Variants in MYH9 observed in about 807,000 individuals in gnomAD.
MYH9 encodes myosin-9.
A neutral mutation model predicts 241.9 loss-of-function variants in MYH9; 29 were observed. That is an observed-to-expected ratio of 0.12 (90% confidence interval 0.09 to 0.16). MYH9 has a LOEUF of 0.16. Ranked by LOEUF, MYH9 falls within the 10% of genes least tolerant of loss-of-function variation. The pLI, the probability that MYH9 is intolerant of heterozygous loss-of-function variation, is 1.00. For synonymous variants in MYH9, 1,047 were observed against 1,062.6 expected, an observed-to-expected ratio of 0.99 and a Z score of 0.29; for missense variants, 1,803 against 2,595.5, an observed-to-expected ratio of 0.69 and a Z score of 6.63.
chr22:36,315,392 A>G (rs899550318), intron 12 of MYH9, among the ~76,000 whole-genome samples: 1 of 152,130 alleles, frequency 6.6e-6, no homozygotes, highest in Non-Finnish European at 1.5e-5. Context: ...AAGAACCTCT[A>G]ATCTACTGTA....
chr22:36,294,410 C>T (rs556870559), intron 27 of MYH9, 112 bp from the exon 28 acceptor site: 77 of 1,176,706 alleles, frequency 6.5e-5, no homozygotes, highest in African/African-American at 2.3e-4. Flanking sequence ...GCCCTGACGA[C>T]GGTGTGCCTG....
At position 36,286,853 on chromosome 22, in the gene MYH9, T is replaced by A. The variant is rs2016594101; in HGVS notation, c.4933-7A>T. On this transcript the variant is annotated splice_region_variant and splice_polypyrimidine_tract_variant and intron_variant, in intron 34 of 40. Coordinates refer to ENST00000216181, the MANE Select transcript of MYH9 (RefSeq NM_002473.6). ...TGCAGTCCTTCATCTGGGCCTGGGGTGGGGACAGAGGCTTGGCACCCCACC... is the reference window on the plus strand; with the variant it reads ...TGCAGTCCTTCATCTGGGCCTGGGGAGGGGACAGAGGCTTGGCACCCCACC... The A allele has an allele frequency of 6.2e-7, 1 of 1,605,392 alleles. No individual in the cohort carries two copies. The highest frequency in any genetic ancestry group is 2.2e-5 in the East Asian group (1 of 44,866).
chr22:36,283,979 T>C (rs1293535622), intron 40 of MYH9, 114 bp downstream of exon 40: 1 of 1,289,312 alleles, frequency 7.8e-7, no homozygotes, highest in African/African-American at 1.5e-5. Context: ...GGGATTGCTT[T>C]GTGCAGTCCT....
In MYH9 at chr22:36,319,555, T is replaced by C; in HGVS notation, c.1093A>G (p.Met365Val). Residue 365 changes from methionine (M) to valine (V), a missense_variant, in exon 10 of 41, where the codon ATG becomes GTG. Around this residue, in one of 11 missense-constraint regions of MYH9, gnomAD observed 222 missense variants for 359.9 expected, o/e 0.62. Coordinates refer to ENST00000216181, the MANE Select transcript of MYH9 (RefSeq NM_002473.6). ...CGGGTGTTACCTGTGTTGTCGGGCA[T>C]GGACGCCTGGTCAGTGTTCCGCTCC... ...KKERNTDQAS[M>V]PDNTAAQKVS... 6.2e-7 allele frequency: 1 copy of C among 1,614,200 alleles called. No homozygotes were observed. Among genetic ancestry groups the C allele is most frequent in the Non-Finnish European group, 8.5e-7 (1 of 1,180,016 alleles).
chr22:36,325,233 C>T (rs2146368064), intron 5 of MYH9: 1 of 652,772 alleles, frequency 1.5e-6, no homozygotes, highest in Middle Eastern at 3.9e-4. Context: ...AATATAACTC[C>T]TGACGCCCCA....
At chr22:36,290,563 C>T (rs28576431) in intron 31 of MYH9, among the ~76,000 whole-genome samples, 3,264 of 152,302 alleles carry the variant, frequency 0.021, 117 homozygotes, top group African/African-American at 0.074. Context: ...TCTTCCCGGC[C>T]GCCACCCCAT....
chr22:36,380,469 G>A (rs1489935749), intron 1 of MYH9, among the ~76,000 whole-genome samples: 1 of 152,202 alleles, frequency 6.6e-6, no homozygotes. Context: ...GGCCGGGTGC[G>A]GTGGCTCACG....
intron 1 of MYH9, among the ~76,000 whole-genome samples, chr22:36,379,070 T>G (rs2018215591): frequency 6.6e-6 from 1 of 152,180 alleles, no homozygotes; most frequent in South Asian, 2.1e-4. Context: ...TCATTGTTGT[T>G]GCTGATTTTT....
At position 36,320,075 on chromosome 22, in the gene MYH9, A is replaced by C; in HGVS notation, c.1012+145T>G. Reference sequence around the variant, plus strand: ...TAACCTTGAACCTCAAATCTGAGGAATCATTTTCCCATACACTGAAGGCCT... The same window carrying C: ...TAACCTTGAACCTCAAATCTGAGGACTCATTTTCCCATACACTGAAGGCCT... On this transcript the variant is annotated intron_variant, in intron 9 of 40. Transcript: ENST00000216181. This position sits in a 1 kb window ranked among gnomAD's most constrained non-coding sequence, Gnocchi z 4.8. The C allele has an allele frequency of 1.8e-6, 2 of 1,113,538 alleles. No individual in the cohort carries two copies. Among genetic ancestry groups the C allele is most frequent in the East Asian group, 2.5e-5 (1 of 40,644 alleles). The allele number at this position is 1,113,538 out of a possible 1,614,324, so 69.0% of individuals were successfully genotyped here.
rs750723296 is a variant in MYH9, at chr22:36,326,668, A to G, written c.519-7T>C. The G allele has an allele frequency of 1.2e-6, 2 of 1,613,338 alleles. No individual in the cohort carries two copies. The highest frequency in any genetic ancestry group is 2.7e-5 in the African/African-American group (2 of 74,928). On this transcript the variant is annotated splice_polypyrimidine_tract_variant and splice_region_variant and intron_variant, in intron 4 of 40. Coordinates refer to ENST00000216181, the MANE Select transcript of MYH9 (RefSeq NM_002473.6). Reference sequence around the variant, plus strand: ...GCCAGCTCCAGATTCACCACTACCAAGAGAGGCAAGGAAGTCCCGGGCTTA... The same window carrying G: ...GCCAGCTCCAGATTCACCACTACCAGGAGAGGCAAGGAAGTCCCGGGCTTA...
chr22:36,316,644 G>C lies in MYH9; in HGVS notation c.1253C>G (p.Ala418Gly). Reference sequence around the variant, plus strand: ...GAACATCCGCTCATAGGTCGCCTTGGCCAAGGCCTCGATGGCAAAGTCAGC... The same window carrying C: ...GAACATCCGCTCATAGGTCGCCTTGCCCAAGGCCTCGATGGCAAAGTCAGC... ...EQADFAIEALAKATYERMFRW... is the reference protein window; with the variant it reads ...EQADFAIEALGKATYERMFRW... Residue 418 changes from alanine to glycine, a missense_variant, in exon 12 of 41, where the codon GCC (alanine) becomes GGC (glycine). Around this residue, in one of 11 missense-constraint regions of MYH9, gnomAD observed 222 missense variants for 359.9 expected, o/e 0.62. Coordinates refer to ENST00000216181, the MANE Select transcript of MYH9 (RefSeq NM_002473.6). 6.2e-7 allele frequency: 1 copy of C among 1,614,016 alleles called. No homozygotes were observed. Among genetic ancestry groups the C allele is most frequent in the Non-Finnish European group, 8.5e-7 (1 of 1,180,038 alleles).
chr22:36,300,319 T>C lies in MYH9; in HGVS notation c.2839-55A>G, dbSNP rs2016856787. The C allele has an allele frequency of 1.2e-6, 2 of 1,606,250 alleles. No individual in the cohort carries two copies. The highest frequency in any genetic ancestry group is 1.1e-5 in the South Asian group (1 of 91,064). On this transcript the variant is annotated intron_variant, in intron 22 of 40. Transcript: ENST00000216181. The surrounding 1 kb of genome is among the most constrained non-coding windows in gnomAD (Gnocchi z 5.0). ...AGCAGGCCCAGAGGCATGGCCAAGG[T>C]GAAGGCAGCAAGGTCCGAAGGCCAG...
rs189920371 is a variant in MYH9, at chr22:36,325,194, C to T, written c.612+1374G>A. 5.9e-3 allele frequency: 4,108 copies of T among 700,970 alleles called. 17 individuals are homozygous for T. Among genetic ancestry groups the T allele is most frequent in the Non-Finnish European group, 6.6e-3 (2,514 of 382,614 alleles). 43.4% of individuals were successfully genotyped at this position (700,970 alleles called of 1,614,324 possible). A position where few individuals can be genotyped will look rare whatever the true frequency, so the allele number is the denominator to read the frequency against. Reference sequence around the variant, plus strand: ...AGAGAGAGAGAGACAGAGAGGGAGACAGAAGAAAAGAAACTGTATTAGTTT... The same window carrying T: ...AGAGAGAGAGAGACAGAGAGGGAGATAGAAGAAAAGAAACTGTATTAGTTT... On this transcript the variant is annotated intron_variant, in intron 5 of 40. Transcript: ENST00000216181.
chr22:36,379,708 G>A (rs963608709), intron 1 of MYH9, among the ~76,000 whole-genome samples: 3 of 152,098 alleles, frequency 2.0e-5, no homozygotes, highest in African/African-American at 4.8e-5. Flanking sequence ...CAACCTGCAC[G>A]GCAGGAAGCC....
At chr22:36,316,390 T>A in intron 12 of MYH9, 127 bp downstream of exon 12, 1 of 1,389,246 alleles carries the variant, frequency 7.2e-7, no homozygotes, top group Non-Finnish European at 1.0e-6. Flanking sequence ...CCAACCAAAG[T>A]CTTCATGCAA....
At chr22:36,308,062 C>T (rs1053640689) in intron 15 of MYH9, among the ~76,000 whole-genome samples, 1 of 152,016 alleles carries the variant, frequency 6.6e-6, no homozygotes, top group African/African-American at 2.4e-5. Context: ...TGTGTCCTGG[C>T]CCCACCCCCA....
chr22:36,354,974 C>CACACACAT (rs1556643822), intron 1 of MYH9, among the ~76,000 whole-genome samples: 27 of 150,838 alleles, frequency 1.8e-4, no homozygotes, highest in African/African-American at 6.3e-4. Context: ...CACACACACA[C>CACACACAT]ACACACACAC....
Position 36,284,235 on chromosome 22 carries a change from G to T in MYH9, c.5623C>A (p.Leu1875Ile). ...TCGGCCTCCTCCAGCTGCCGCTTGA[G>T]CTGCTTCAGGCGGGTAGATGCCTTG... ...ADKASTRLKQ[L>I]KRQLEEAEEE... is the part of the protein sequence containing the mutation. Residue 1875 changes from leucine (L) to isoleucine (I), a missense_variant, in exon 40 of 41, where the codon CTC becomes ATC. Physicochemically the swap from Leu to Ile is conservative, Grantham distance 5. This residue lies in a region of MYH9 where 876 missense variants were observed against 1,077.8 expected (regional missense o/e 0.81). Coordinates refer to ENST00000216181, the MANE Select transcript of MYH9 (RefSeq NM_002473.6). 6.2e-7 allele frequency: 1 copy of T among 1,612,452 alleles called. No individual in the cohort carries two copies.
At position 36,312,094 on chromosome 22, in the gene MYH9, C is replaced by T. The variant is rs2017073485; in HGVS notation, c.1683G>A (p.Gln561=). The change falls in exon 14 of 41, where the codon CAG becomes CAA. Residue 561 remains glutamine (Q), a synonymous_variant. Coordinates refer to ENST00000216181, the MANE Select transcript of MYH9 (RefSeq NM_002473.6). ...GTHPKFQKPK[Q]LKDKADFCII... Reference sequence around the variant, plus strand: ...TGCAGAAATCAGCTTTGTCCTTCAGCTGCTTGGGCTTCTGGAACTTGGGGT... The same window carrying T: ...TGCAGAAATCAGCTTTGTCCTTCAGTTGCTTGGGCTTCTGGAACTTGGGGT... The T allele has an allele frequency of 6.2e-7, 1 of 1,614,102 alleles. No homozygotes were observed.
Sources: gnomAD v4.1 joint callset for allele counts (sites outside exome capture counted in the v4.1 genomes callset) on GRCh38, gnomAD v4.1.1 for gene constraint, gnomAD v4.1.1 regional missense constraint, Gnocchi (gnomAD v3.1) non-coding constraint, MANE v1.5 for transcripts, NCBI Gene and HGNC (gene_info 2026-07-23, HGNC 2026-07-21) for gene names.